MYOF: variants seen among roughly 807,000 people sequenced by gnomAD.
The protein encoded by MYOF is myoferlin.
A neutral mutation model predicts 284.2 loss-of-function variants in MYOF; 244 were observed. That is an observed-to-expected ratio of 0.86 (90% CI 0.77 to 0.95). The LOEUF (loss-of-function observed/expected upper bound fraction) is 0.95. Among genes scored for constraint, MYOF ranks in the 40% least tolerant of loss-of-function variants. The pLI is 0.00. For missense variants in MYOF, 2,496 were observed against 2,560.6 expected (o/e 0.97, Z 0.54); for synonymous variants, 904 against 919.7 (o/e 0.98, Z 0.31).
chr10:93,438,877 C>T (rs1036801518), intron 3 of MYOF, among the ~76,000 whole-genome samples: 2 of 152,190 alleles, frequency 1.3e-5, no homozygotes, highest in African/African-American at 4.8e-5. Flanking sequence ...TGCGCTCCCC[C>T]CAGGAACTTC....
At chr10:93,325,684 T>C in intron 46 of MYOF, 142 bp downstream of exon 46, 1 of 1,136,632 alleles carries the variant, frequency 8.8e-7, no homozygotes, top group South Asian at 1.6e-5. Flanking sequence ...AATTCCCTTT[T>C]GATATGACGC....
chr10:93,462,365 C>A (rs77117633), intron 1 of MYOF, among the ~76,000 whole-genome samples: 7,122 of 152,202 alleles, frequency 0.047, 221 homozygotes, highest in Non-Finnish European at 0.07. Flanking sequence ...ACACCGTGCC[C>A]GGCCTGCTAA....
chr10:93,460,236 C>G (rs546976958), intron 1 of MYOF, among the ~76,000 whole-genome samples: 2 of 152,298 alleles, frequency 1.3e-5, no homozygotes, highest in Admixed American at 1.3e-4. Flanking sequence ...AAGCCTGGTT[C>G]CTGACCCAGG....
At chr10:93,372,630 C>T (rs1845644314) in intron 24 of MYOF, among the ~76,000 whole-genome samples, 1 of 152,236 alleles carries the variant, frequency 6.6e-6, no homozygotes. Flanking sequence ...GGAAGAAAGG[C>T]ATTGCCTTGT....
chr10:93,399,496 C>A lies in MYOF; in HGVS notation c.1118-1G>T. On this transcript the variant is annotated splice_acceptor_variant, in intron 12 of 53. Transcript: ENST00000359263. LOFTEE classifies it high-confidence loss of function. ...ACTGTCTGTGAGAAGGCATCATCCACTGGAAGGTAATAGTTATACAGCAGA... is the reference window on the plus strand; with the variant it reads ...ACTGTCTGTGAGAAGGCATCATCCAATGGAAGGTAATAGTTATACAGCAGA... The A allele has an allele frequency of 6.2e-7, 1 of 1,603,762 alleles. No individual in the cohort carries two copies.
At position 93,367,279 on chromosome 10, in the gene MYOF, T is replaced by C. The variant is rs1288839350; in HGVS notation, c.2590-724A>G. Among the ~76,000 whole-genome samples, 4 of 152,166 alleles carry C rather than the reference T, an allele frequency of 2.6e-5. No homozygotes were observed. The East Asian group carries it at 5.8e-4, about 22-fold the overall frequency. ...GGTCTGCTCTTCATCATGGCAACCA[T>C]GGAAAGGGTAGAGATTTGCCAGTGT... On this transcript the variant is annotated intron_variant, in intron 25 of 53. Transcript: ENST00000359263.
intron 36 of MYOF, among the ~76,000 whole-genome samples, chr10:93,348,007 C>T (rs1844315258): frequency 1.3e-5 from 2 of 152,220 alleles, no homozygotes; most frequent in African/African-American, 4.8e-5. Context: ...AACTACCTGG[C>T]TAACCCTTCC....
chr10:93,416,896 C>A (rs1022447845), intron 5 of MYOF, among the ~76,000 whole-genome samples: 1 of 152,168 alleles, frequency 6.6e-6, no homozygotes, highest in Non-Finnish European at 1.5e-5. Flanking sequence ...CTGCACCCGG[C>A]CATGACCAGG....
chr10:93,367,726 T>G (rs1459657131), intron 25 of MYOF, among the ~76,000 whole-genome samples: 1 of 151,736 alleles, frequency 6.6e-6, no homozygotes, highest in East Asian at 1.9e-4. Context: ...GGCTGTGGCT[T>G]TAGTCAGCAG....
intron 49 of MYOF, 28 bp downstream of exon 49, chr10:93,319,844 C>G (rs778846478): frequency 6.2e-7 from 1 of 1,613,810 alleles, no homozygotes; most frequent in Non-Finnish European, 8.5e-7. Flanking sequence ...ATGATACCCA[C>G]TTCCCAGCGG....
At chr10:93,430,958 CT>C (rs1170988755) in intron 4 of MYOF, among the ~76,000 whole-genome samples, 2 of 151,548 alleles carry the variant, frequency 1.3e-5, no homozygotes, top group Non-Finnish European at 2.9e-5. Flanking sequence ...CAATTGATAC[CT>C]TTTCCTTTTC....
At chr10:93,408,685 C>A in intron 7 of MYOF, 102 bp downstream of exon 7, 1 of 1,489,252 alleles carries the variant, frequency 6.7e-7, no homozygotes, top group Admixed American at 1.9e-5. Flanking sequence ...TTCCTGTGAT[C>A]TCTACTTGGA....
At chr10:93,436,834 T>G (rs117585125) in intron 3 of MYOF, among the ~76,000 whole-genome samples, 163 of 152,330 alleles carry the variant, frequency 1.1e-3, no homozygotes, top group Non-Finnish European at 2.1e-3. Flanking sequence ...TCTTTTTTCT[T>G]TTCTATTACT....
chr10:93,416,237 G>C (rs867226045), intron 5 of MYOF, among the ~76,000 whole-genome samples: 1 of 152,220 alleles, frequency 6.6e-6, no homozygotes, highest in African/African-American at 2.4e-5. Context: ...AACTTCTCTC[G>C]GCCGGGCGTC....
At chr10:93,382,387 T>C (rs1980717) in intron 19 of MYOF, among the ~76,000 whole-genome samples, 73,344 of 152,092 alleles carry the variant, frequency 0.48, 19,167 homozygotes, top group East Asian at 0.86. Context: ...TGCGTGCCAC[T>C]GCACCCAGCT....
At chr10:93,349,295 A>G (rs543970728) in intron 36 of MYOF, among the ~76,000 whole-genome samples, 1 of 152,322 alleles carries the variant, frequency 6.6e-6, no homozygotes, top group East Asian at 1.9e-4. Context: ...ACCAGAGGGT[A>G]GCCTCAATGG....
chr10:93,310,722 C>A, intron 51 of MYOF, 79 bp from the exon 52 acceptor site: 1 of 1,298,098 alleles, frequency 7.7e-7, no homozygotes, highest in East Asian at 2.4e-5. Context: ...GAGTATTCCC[C>A]GAGCAATGAT....
intron 5 of MYOF, among the ~76,000 whole-genome samples, chr10:93,412,175 G>A (rs959688504): frequency 1.3e-5 from 2 of 152,212 alleles, no homozygotes; most frequent in African/African-American, 4.8e-5. Flanking sequence ...TAGAAGCTGA[G>A]CTAAAACCAG....
intron 6 of MYOF, 43 bp from the exon 7 acceptor site, chr10:93,408,958 CGTGGGATCCTTAGGATCCTCAG>C (rs1295452817): frequency 1.2e-6 from 2 of 1,611,216 alleles, no homozygotes; most frequent in Non-Finnish European, 1.7e-6. Flanking sequence ...TTTCCCAGCA[CGTGGGATCCTTAGGATCCTCAG>C]GTGTTGCTTC....
Sources: gnomAD v4.1 joint callset for allele counts (sites outside exome capture counted in the v4.1 genomes callset) on GRCh38, gnomAD v4.1.1 for gene constraint, MANE v1.5 for transcripts, NCBI Gene and HGNC (gene_info 2026-07-23, HGNC 2026-07-21) for gene names.